The following SPATA7 variants were observed in gnomAD, a reference collection of about 807,000 sequenced individuals.
SPATA7 encodes the protein spermatogenesis associated 7.
Under a neutral mutation model 51.8 loss-of-function variants are expected in SPATA7, and 43 were observed. That is an observed-to-expected ratio of 0.83 (90% CI 0.65 to 1.07). The LOEUF is 1.07. Ranked by LOEUF, SPATA7 falls within the 50% of genes least tolerant of loss-of-function variation. The probability of loss-of-function intolerance (pLI) is 0.00; values close to 1 mark genes in which losing one functional copy is unlikely to be tolerated. For synonymous variants in SPATA7, 230 were observed against 252.8 expected, an observed-to-expected ratio of 0.91 and a Z score of 0.86; for missense variants, 683 against 701.3, an observed-to-expected ratio of 0.97 and a Z score of 0.30.
chr14:88,390,435 A>AGCT (rs1175171271), intron 1 of SPATA7, among the ~76,000 whole-genome samples: 1 of 152,132 alleles, frequency 6.6e-6, no homozygotes, highest in Non-Finnish European at 1.5e-5. Flanking sequence ...GGCCACCAGC[A>AGCT]ATACAGGGCT....
At chr14:88,437,678 A>G in intron 11 of SPATA7, 81 bp downstream of exon 11, 1 of 1,372,552 alleles carries the variant, frequency 7.3e-7, no homozygotes, top group Non-Finnish European at 1.0e-6. Flanking sequence ...TTCAAACAAT[A>G]CATTAAAAGC....
In SPATA7 at chr14:88,423,465, C is replaced by A. The variant is rs144799953; in HGVS notation, c.373-2767C>A. ...CAGCTACTCAGGAGGCTGAGGCAGG[C>A]AGATTAATTGAGCCCAGGAGGTCGT... On this transcript the variant is annotated intron_variant, in intron 5 of 11. Transcript: ENST00000393545. Among the ~76,000 whole-genome samples, 1,123 of 149,116 alleles carry A rather than the reference C, an allele frequency of 7.5e-3. 14 individuals carry two copies. Among genetic ancestry groups the A allele is most frequent in the African/African-American group, 0.027 (1,070 of 40,324 alleles).
At chr14:88,396,480 A>G (rs141819453) in intron 4 of SPATA7, among the ~76,000 whole-genome samples, 6 of 152,288 alleles carry the variant, frequency 3.9e-5, no homozygotes, top group African/African-American at 7.2e-5. Flanking sequence ...TGTACTTACT[A>G]TCTCTATGAA....
chr14:88,459,625 G>T (rs560702822), downstream of SPATA7, among the ~76,000 whole-genome samples: 2 of 152,182 alleles, frequency 1.3e-5, no homozygotes, highest in South Asian at 4.2e-4. Flanking sequence ...TGTGAGATGG[G>T]TCTCCTGAAT....
chr14:88,427,847 A>G (rs2076839263), intron 7 of SPATA7, 151 bp downstream of exon 7: 16 of 644,444 alleles, frequency 2.5e-5, no homozygotes, highest in Middle Eastern at 2.9e-4. Context: ...AGGTCTGCCT[A>G]TTTACAAATG....
At chr14:88,462,569 C>T (rs2077324516) in intron 4 of SPATA7, among the ~76,000 whole-genome samples, 1 of 152,190 alleles carries the variant, frequency 6.6e-6, no homozygotes. Flanking sequence ...AAGTAGTAGT[C>T]TTTGTACACA....
chr14:88,427,420 A>C (rs2076824990), intron 6 of SPATA7, among the ~76,000 whole-genome samples: 1 of 151,832 alleles, frequency 6.6e-6, no homozygotes, highest in South Asian at 2.1e-4. Flanking sequence ...TAAGATTAGT[A>C]TTTTTTTCTT....
rs748919704 is a variant in SPATA7 at position 88,429,391 on chromosome 14, C to G, written c.956C>G (p.Pro319Arg). 3.7e-6 allele frequency: 6 copies of G among 1,612,618 alleles called. No homozygotes were observed. In the African/African-American group the frequency reaches 8.0e-5, roughly 22 times the overall value. Residue 319 changes from proline (P) to arginine (R), a missense_variant, in exon 8 of 12, where the codon CCT (proline) becomes CGT (arginine). By Grantham distance (103) the Pro-to-Arg change is moderately radical (BLOSUM62 -2). Coordinates refer to ENST00000393545, the MANE Select transcript of SPATA7 (RefSeq NM_018418.5). ...VTYDAKEKIAPLPLEGHDSTW... is the reference protein window; with the variant it reads ...VTYDAKEKIARLPLEGHDSTW... ...TATGATGCCAAAGAAAAAATAGCTC[C>G]TTTACCTTTAGAAGGGCATGACTCA...
Position 88,429,444 on chromosome 14 carries a change from C to T in SPATA7, c.1009C>T (p.Leu337Phe), listed in dbSNP as rs2076882908. ...ATGGGATGAGATTAAGGATGATGCT[C>T]TTCAGCATTCCTCACCAAGGTAAAC... is the stretch of plus-strand genomic sequence containing the variant. ...STWDEIKDDALQHSSPRAMCQ... is the reference protein window; with the variant it reads ...STWDEIKDDAFQHSSPRAMCQ... Residue 337 changes from leucine (L) to phenylalanine (F), a missense_variant, in exon 8 of 12, where the codon CTT becomes TTT. Transcript: ENST00000393545. 6.2e-7 allele frequency: 1 copy of T among 1,609,618 alleles called. No individual in the cohort carries two copies. The highest frequency in any genetic ancestry group is 2.2e-5 in the East Asian group (1 of 44,734).
chr14:88,448,091 G>A (rs2077226722), intron 3 of SPATA7, among the ~76,000 whole-genome samples: 1 of 152,098 alleles, frequency 6.6e-6, no homozygotes, highest in Non-Finnish European at 1.5e-5. Flanking sequence ...TTCCAACTTG[G>A]TTCCATTCTC....
rs556884686 is a variant in SPATA7, at chr14:88,463,904, G to C, written c.255-5943G>C. Among the ~76,000 whole-genome samples, 65 of 152,076 alleles carry C rather than the reference G, an allele frequency of 4.3e-4. 1 individual carries two copies. The highest frequency in any genetic ancestry group is 7.9e-4 in the Non-Finnish European group (54 of 67,976). ...GCTCTGTCACCCAAGCTGGAGTGCA[G>C]AGGCGAGATCTCGGCTCACTGCAAC... On this transcript the variant is annotated intron_variant, in intron 4 of 4. Transcript: ENST00000556406.
intron 3 of SPATA7, among the ~76,000 whole-genome samples, chr14:88,445,664 A>G (rs2077206971): frequency 6.6e-6 from 1 of 152,126 alleles, no homozygotes; most frequent in Non-Finnish European, 1.5e-5. Flanking sequence ...CGTCCCATCA[A>G]TACCTAATTT....
intron 3 of SPATA7, among the ~76,000 whole-genome samples, chr14:88,449,652 C>A (rs1299290006): frequency 6.6e-6 from 1 of 152,128 alleles, no homozygotes; most frequent in East Asian, 1.9e-4. Context: ...TCTTGATGAC[C>A]TGTCTACTGC....
chr14:88,437,976 T>C lies in SPATA7; in HGVS notation c.1354T>C (p.Leu452=), dbSNP rs574409327. 6.2e-7 allele frequency: 1 copy of C among 1,613,964 alleles called. No homozygotes were observed. Among genetic ancestry groups the C allele is most frequent in the Non-Finnish European group, 8.5e-7 (1 of 1,179,968 alleles). Residue 452 remains leucine, a synonymous_variant, in exon 12 of 12, where the codon TTA becomes CTA. Coordinates refer to ENST00000393545, the MANE Select transcript of SPATA7 (RefSeq NM_018418.5). The part of the protein sequence containing the change: ...EKAGNSEPNE[L]KNESEVTIQQ... Reference sequence around the variant, plus strand: ...GGCTGGGAATTCAGAACCAAATGAATTAAAAAATGAAAGTGAAGTAACAAT... The same window carrying C: ...GGCTGGGAATTCAGAACCAAATGAACTAAAAAATGAAAGTGAAGTAACAAT...
intron 4 of SPATA7, chr14:88,468,388 C>A (rs964721596): frequency 3.1e-6 from 3 of 952,822 alleles, no homozygotes; most frequent in Non-Finnish European, 4.6e-6. Context: ...TCCACCTTAG[C>A]GTCTTCTAGA....
chr14:88,416,682 T>C, intron 4 of SPATA7, 29 bp from the exon 5 acceptor site: 1 of 1,611,338 alleles, frequency 6.2e-7, no homozygotes. Flanking sequence ...TTTTGTTCCA[T>C]ATTTTGAAAG....
chr14:88,434,705 A>C (rs1162940633), intron 10 of SPATA7, among the ~76,000 whole-genome samples: 1 of 151,766 alleles, frequency 6.6e-6, no homozygotes, highest in Non-Finnish European at 1.5e-5. Context: ...AAAAAAAAGA[A>C]AAAGAAAAAA....
chr14:88,429,129 G>A (rs1281323081), intron 7 of SPATA7: 1 of 322,856 alleles, frequency 3.1e-6, no homozygotes, highest in Non-Finnish European at 5.8e-6. Flanking sequence ...TCATTTAAAT[G>A]CCACTCATTA....
chr14:88,437,516 A>T (rs2077119926), intron 10 of SPATA7, 27 bp from the exon 11 acceptor site: 3 of 1,545,160 alleles, frequency 1.9e-6, no homozygotes, highest in Non-Finnish European at 2.7e-6. Flanking sequence ...ATTTTGAGAC[A>T]TTAACATTTT....
Sources: gnomAD v4.1 joint callset for allele counts (sites outside exome capture counted in the v4.1 genomes callset) on GRCh38, gnomAD v4.1.1 for gene constraint, MANE v1.5 for transcripts, NCBI Gene and HGNC (gene_info 2026-07-23, HGNC 2026-07-21) for gene names.